The following MLLT1 variants were observed in gnomAD, a reference collection of about 807,000 sequenced individuals.
The protein encoded by MLLT1 is MLLT1 super elongation complex subunit.
In MLLT1, 11 loss-of-function variants were observed where a neutral mutation model predicts 55.1. The observed-to-expected ratio is 0.20, with a 90% CI of 0.13 to 0.33. The LOEUF is 0.33. Among genes scored for constraint, MLLT1 ranks in the 10% least tolerant of loss-of-function variants. MLLT1 has a pLI of 1.00. For synonymous variants in MLLT1, 323 were observed against 320.1 expected, an observed-to-expected ratio of 1.01 and a Z score of -0.10; for missense variants, 536 against 760.6, an observed-to-expected ratio of 0.70 and a Z score of 3.47.
rs2090955478 is a variant in MLLT1, at chr19:6,226,222, C to G, written c.546+755G>C. On this transcript the variant is annotated intron_variant, in intron 5 of 11. Coordinates refer to ENST00000252674, the MANE Select transcript of MLLT1 (RefSeq NM_005934.4). The surrounding 1 kb of genome is among the most constrained non-coding windows in gnomAD (Gnocchi z 6.3). ...GGTGGAGAGATGTGTGGGTGGCAGG[C>G]ACCGGGCAGCTGCCCCGAGGGCCCG... Among the ~76,000 whole-genome samples, 1 of 152,202 alleles carries G rather than the reference C, an allele frequency of 6.6e-6. No homozygotes were observed. The highest frequency in any genetic ancestry group is 1.5e-5 in the Non-Finnish European group (1 of 68,034).
Position 6,256,247 on chromosome 19 carries a change from AAATAAAT to A in MLLT1, c.276+5974_276+5980del, listed in dbSNP as rs1229348748. ...TAAATAAATAAATAAATAAATAAAT[AAATAAAT>A]AAAAAGACCAGCCTGGGCAACACAA... On this transcript the variant is annotated intron_variant, in intron 3 of 11. Transcript: ENST00000252674. This position sits in a 1 kb window ranked among gnomAD's most constrained non-coding sequence, Gnocchi z 4.1. Among the ~76,000 whole-genome samples the A allele has an allele frequency of 2.0e-5, 3 of 150,046 alleles. No individual in the cohort carries two copies. The highest frequency in any genetic ancestry group is 7.4e-5 in the African/African-American group (3 of 40,656).
Position 6,211,117 on chromosome 19 carries a change from C to T in MLLT1, c.*1925G>A, listed in dbSNP as rs1392520999. ...GGGCTGAGGTTCCTGTCCGTGACCC[C>T]GGCGGCCTCTTGTGCGTAGAGCTCC... is the stretch of plus-strand genomic sequence containing the variant. On this transcript the variant is annotated 3_prime_UTR_variant, in exon 12 of 12. Coordinates refer to ENST00000252674, the MANE Select transcript of MLLT1 (RefSeq NM_005934.4). This position sits in a 1 kb window ranked among gnomAD's most constrained non-coding sequence, Gnocchi z 4.6. The T allele has an allele frequency of 1.3e-5, 3 of 232,368 alleles. No homozygotes were observed. The highest frequency in any genetic ancestry group is 1.1e-4 in the Admixed American group (2 of 17,748). 14.4% of individuals were successfully genotyped at this position (232,368 alleles called of 1,614,324 possible).
intron 3 of MLLT1, among the ~76,000 whole-genome samples, chr19:6,246,988 C>T (rs4807071): frequency 8.6e-5 from 13 of 152,044 alleles, no homozygotes; most frequent in South Asian, 2.1e-4. Context: ...AACTACTTTC[C>T]GGGTATCCTG....
chr19:6,265,132 GA>G (rs1193889312), intron 2 of MLLT1, among the ~76,000 whole-genome samples: 1 of 145,486 alleles, frequency 6.9e-6, no homozygotes, highest in Admixed American at 6.9e-5. Context: ...TGTTTCCACA[GA>G]AAAAAACAGG....
intron 3 of MLLT1, among the ~76,000 whole-genome samples, chr19:6,258,623 T>C (rs1424484777): frequency 6.6e-6 from 1 of 152,258 alleles, no homozygotes; most frequent in East Asian, 1.9e-4. Context: ...AGTTACGTTC[T>C]AATGCCTAAC....
rs867136909 is a variant in MLLT1, at chr19:6,240,800, G to A, written c.277-10087C>T. Among the ~76,000 whole-genome samples, 2 of 152,120 alleles carry A rather than the reference G, an allele frequency of 1.3e-5. No individual in the cohort carries two copies. Among genetic ancestry groups the A allele is most frequent in the African/African-American group, 4.8e-5 (2 of 41,408 alleles). ...CCTACCCTGCGTCCTTCTGTGCTTC[G>A]CATTTCCGATAACCAGAATCAATTC... On this transcript the variant is annotated intron_variant, in intron 3 of 11. Coordinates refer to ENST00000252674, the MANE Select transcript of MLLT1 (RefSeq NM_005934.4). The surrounding 1 kb of genome is among the most constrained non-coding windows in gnomAD (Gnocchi z 4.7).
At position 6,262,350 on chromosome 19, in the gene MLLT1, C is replaced by A. The variant is rs1330255704; in HGVS notation, c.194-40G>T. The A allele has an allele frequency of 5.7e-6, 9 of 1,566,326 alleles. No individual in the cohort carries two copies. The highest frequency in any genetic ancestry group is 7.9e-6 in the Non-Finnish European group (9 of 1,139,842). Reference sequence around the variant, plus strand: ...AAGAAACACACCCATCAGCCTCCTGCCTGTTTCAGGCCCAGCTGCCAGCGG... The same window carrying A: ...AAGAAACACACCCATCAGCCTCCTGACTGTTTCAGGCCCAGCTGCCAGCGG... On this transcript the variant is annotated intron_variant, in intron 2 of 11. Coordinates refer to ENST00000252674, the MANE Select transcript of MLLT1 (RefSeq NM_005934.4). This position sits in a 1 kb window ranked among gnomAD's most constrained non-coding sequence, Gnocchi z 4.4.
In MLLT1 at chr19:6,229,462, GC is replaced by G. The variant is rs1489002404; in HGVS notation, c.420+1107del. 6.6e-6 allele frequency among the ~76,000 whole-genome samples: 1 copy of G among 151,962 alleles called. No homozygotes were observed. Among genetic ancestry groups the G allele is most frequent in the East Asian group, 1.9e-4 (1 of 5,186 alleles). ...CCAGCCTGACACCCACAGCCACGGT[GC>G]CCCAAATCCACTCAGGAGGCGACCC... On this transcript the variant is annotated intron_variant, in intron 4 of 11. Coordinates refer to ENST00000252674, the MANE Select transcript of MLLT1 (RefSeq NM_005934.4). The surrounding 1 kb of genome is among the most constrained non-coding windows in gnomAD (Gnocchi z 5.2).
At chr19:6,261,773 T>C (rs1317364556) in intron 3 of MLLT1, among the ~76,000 whole-genome samples, 1 of 152,098 alleles carries the variant, frequency 6.6e-6, no homozygotes. Context: ...AAGTATTATA[T>C]ATGTAGCTTG....
At chr19:6,279,152 G>A (rs1003768443) in intron 1 of MLLT1, among the ~76,000 whole-genome samples, 6 of 152,224 alleles carry the variant, frequency 3.9e-5, no homozygotes, top group African/African-American at 1.4e-4. Flanking sequence ...AGACGCCGCA[G>A]AGCAGGGTCC....
In MLLT1 at chr19:6,216,040, C is replaced by T. The variant is rs906443948; in HGVS notation, c.1307+365G>A. 2.6e-5 allele frequency among the ~76,000 whole-genome samples: 4 copies of T among 152,274 alleles called. No individual in the cohort carries two copies. In the East Asian group the frequency reaches 7.7e-4, roughly 29 times the overall value. Reference sequence around the variant, plus strand: ...CAGGTGGGAAAGGACTGGGAGTCTCCTGGCCCAAGAGCAGAGAAACAGGCC... The same window carrying T: ...CAGGTGGGAAAGGACTGGGAGTCTCTTGGCCCAAGAGCAGAGAAACAGGCC... On this transcript the variant is annotated intron_variant, in intron 8 of 11. Transcript: ENST00000252674.
At chr19:6,274,293 G>T (rs2091416652) in intron 1 of MLLT1, among the ~76,000 whole-genome samples, 1 of 152,238 alleles carries the variant, frequency 6.6e-6, no homozygotes, top group Admixed American at 6.5e-5. Flanking sequence ...GGCAAGAAGT[G>T]GAGCCCCGGC....
intron 3 of MLLT1, among the ~76,000 whole-genome samples, chr19:6,248,501 G>A (rs2091187285): frequency 6.6e-6 from 1 of 152,130 alleles, no homozygotes. Context: ...GTTAATATCT[G>A]GCACTTCCTA....
intron 3 of MLLT1, among the ~76,000 whole-genome samples, chr19:6,237,561 T>C (rs2091074172): frequency 6.9e-6 from 1 of 144,344 alleles, no homozygotes; most frequent in African/African-American, 2.6e-5. Context: ...ATCGAGACCA[T>C]CCTGGCTAAC....
chr19:6,234,817 C>T (rs189559424), intron 3 of MLLT1, among the ~76,000 whole-genome samples: 35 of 151,616 alleles, frequency 2.3e-4, no homozygotes, highest in Admixed American at 1.8e-3. Context: ...GAAAAGGGGG[C>T]GGGAGAATCT....
At chr19:6,261,696 C>T (rs986801932) in intron 3 of MLLT1, among the ~76,000 whole-genome samples, 119 of 151,954 alleles carry the variant, frequency 7.8e-4, no homozygotes, top group African/African-American at 2.7e-3. Context: ...AAAGAAAACC[C>T]CCTGGACTCC....
At position 6,273,806 on chromosome 19, in the gene MLLT1, C is replaced by G. The variant is rs2091412712; in HGVS notation, c.13-3047G>C. On this transcript the variant is annotated intron_variant, in intron 1 of 11. Transcript: ENST00000252674. This position sits in a 1 kb window ranked among gnomAD's most constrained non-coding sequence, Gnocchi z 4.3. ...CAGTGTCTCCTCGGAATCGCTTATT[C>G]ACTGACCCGGCCACTCAGACCTCGG... Among the ~76,000 whole-genome samples the G allele has an allele frequency of 6.6e-6, 1 of 152,214 alleles. No homozygotes were observed. The highest frequency in any genetic ancestry group is 1.5e-5 in the Non-Finnish European group (1 of 68,038).
At chr19:6,214,253 C>T (rs1196051308) in intron 8 of MLLT1, among the ~76,000 whole-genome samples, 1 of 152,218 alleles carries the variant, frequency 6.6e-6, no homozygotes, top group African/African-American at 2.4e-5. Flanking sequence ...CCCAGAGGCC[C>T]TTTGGGGGCC....
intron 3 of MLLT1, among the ~76,000 whole-genome samples, chr19:6,261,139 T>C (rs950818523): frequency 2.6e-5 from 4 of 152,196 alleles, no homozygotes; most frequent in East Asian, 1.9e-4. Flanking sequence ...GGTGGCCCCA[T>C]AGGCCCAAAG....
Sources: gnomAD v4.1 joint callset for allele counts (sites outside exome capture counted in the v4.1 genomes callset) on GRCh38, gnomAD v4.1.1 for gene constraint, Gnocchi (gnomAD v3.1) non-coding constraint, MANE v1.5 for transcripts, NCBI Gene and HGNC (gene_info 2026-07-23, HGNC 2026-07-21) for gene names.